The following RUFY1 variants were observed in gnomAD, a reference collection of about 807,000 sequenced individuals.
The protein encoded by RUFY1 is RUN and FYVE domain-containing protein 1.
RUFY1 carries 54 observed loss-of-function variants against 94.6 expected under a neutral mutation model. The ratio of observed to expected loss-of-function variants is 0.57; its 90% CI spans 0.46 to 0.72. The LOEUF is 0.72. Ranked by LOEUF, RUFY1 falls within the 30% of genes least tolerant of loss-of-function variation. The pLI is 0.00. For missense variants in RUFY1, 883 were observed against 883.9 expected, an observed-to-expected ratio of 1.00 and a Z score of 0.01; for synonymous variants, 396 against 347.3, an observed-to-expected ratio of 1.14 and a Z score of -1.56.
chr5:179,571,028 A>G (rs1763189627), intron 5 of RUFY1, among the ~76,000 whole-genome samples: 1 of 152,208 alleles, frequency 6.6e-6, no homozygotes, highest in Admixed American at 6.5e-5. Context: ...TTATGAAACC[A>G]AACTATGATT....
intron 2 of RUFY1, among the ~76,000 whole-genome samples, chr5:179,560,843 A>G (rs1405742283): frequency 6.6e-6 from 1 of 152,228 alleles, no homozygotes; most frequent in Non-Finnish European, 1.5e-5. Context: ...AAAATGTTTT[A>G]AAATTAGTGT....
At chr5:179,560,546 G>C (rs368007555) in intron 2 of RUFY1, among the ~76,000 whole-genome samples, 80 of 144,882 alleles carry the variant, frequency 5.5e-4, no homozygotes, top group East Asian at 1.8e-3. Flanking sequence ...GGTGAAACCC[G>C]GTCTCTACTA....
intron 6 of RUFY1, among the ~76,000 whole-genome samples, chr5:179,577,396 T>TG (rs1242662470): frequency 6.6e-6 from 1 of 151,506 alleles, no homozygotes; most frequent in Admixed American, 6.6e-5. Context: ...CTCGAACTCC[T>TG]GACCGTGATC....
chr5:179,568,034 C>T (rs548773194), intron 4 of RUFY1, among the ~76,000 whole-genome samples: 1 of 152,186 alleles, frequency 6.6e-6, no homozygotes, highest in African/African-American at 2.4e-5. Flanking sequence ...CACTTGAGGT[C>T]AGAAGTTCAA....
At position 179,598,699 on chromosome 5, in the gene RUFY1, C is replaced by T. The variant is rs780703591; in HGVS notation, c.1639C>T (p.Leu547=). Residue 547 remains leucine, a synonymous_variant, in exon 14 of 18, where the codon CTG becomes TTG. Coordinates refer to ENST00000319449, the MANE Select transcript of RUFY1 (RefSeq NM_025158.5). ...LSQLHEQCSS[L]EKELKSEKEQ... The stretch of plus-strand genomic sequence containing the variant: ...TTCATTTTGGGAAAACAGCTCAAGC[C>T]TGGAGAAAGAATTGAAATCAGAAAA... 2.5e-6 allele frequency: 4 copies of T among 1,614,082 alleles called. No homozygotes were observed. Among genetic ancestry groups the T allele is most frequent in the Admixed American group, 1.7e-5 (1 of 59,998 alleles).
chr5:179,553,508 G>A lies in RUFY1; in HGVS notation c.310+2629G>A, dbSNP rs142638684. Among the ~76,000 whole-genome samples the A allele has an allele frequency of 2.9e-3, 444 of 152,310 alleles. 1 individual carries two copies. The highest frequency in any genetic ancestry group is 0.01 in the African/African-American group (422 of 41,556). ...ATATGGATTTAAAAAACTAGGCCGGGCATGGTGGCTCACACCTGTAATCCC... is the reference window on the plus strand; with the variant it reads ...ATATGGATTTAAAAAACTAGGCCGGACATGGTGGCTCACACCTGTAATCCC... On this transcript the variant is annotated intron_variant, in intron 1 of 17. Coordinates refer to ENST00000319449, the MANE Select transcript of RUFY1 (RefSeq NM_025158.5).
At chr5:179,601,502 T>A (rs1766385671) in intron 14 of RUFY1, among the ~76,000 whole-genome samples, 1 of 151,846 alleles carries the variant, frequency 6.6e-6, no homozygotes, top group Non-Finnish European at 1.5e-5. Context: ...CTGATCTGCT[T>A]GTTGCTCTGG....
chr5:179,587,758 T>G (rs1478684552), intron 8 of RUFY1, among the ~76,000 whole-genome samples: 1 of 151,172 alleles, frequency 6.6e-6, no homozygotes, highest in African/African-American at 2.4e-5. Flanking sequence ...CAGGCAGGTG[T>G]GGTGGCTCAT....
chr5:179,578,588 T>C (rs1034836604), intron 6 of RUFY1, among the ~76,000 whole-genome samples: 1 of 152,076 alleles, frequency 6.6e-6, no homozygotes, highest in Non-Finnish European at 1.5e-5. Context: ...TTATAATCAG[T>C]TACCCAAGGG....
chr5:179,559,156 A>AG (rs1762258923), intron 1 of RUFY1, among the ~76,000 whole-genome samples: 1 of 152,230 alleles, frequency 6.6e-6, no homozygotes, highest in Admixed American at 6.5e-5. Context: ...CTTTCCTGCC[A>AG]GGACTCTTAC....
rs1761767201 is a variant in RUFY1 at position 179,550,607 on chromosome 5, G to A, written c.38G>A (p.Gly13Glu). Residue 13 changes from glycine to glutamate, a missense_variant, in exon 1 of 18, where the codon GGG becomes GAG. Coordinates refer to ENST00000319449, the MANE Select transcript of RUFY1 (RefSeq NM_025158.5). ...GAAGGCGGCTGCGCTGCTGGGCGGG[G>A]GCGGGAGCTGGAGCCGGAGCTGGAG... is the stretch of plus-strand genomic sequence containing the variant. ...DREGGCAAGRGRELEPELEPG... is the reference protein window; with the variant it reads ...DREGGCAAGRERELEPELEPG... The A allele has an allele frequency of 3.0e-6, 4 of 1,313,728 alleles. No individual in the cohort carries two copies. Among genetic ancestry groups the A allele is most frequent in the Admixed American group, 3.5e-5 (1 of 28,182 alleles). The allele number at this position is 1,313,728 out of a possible 1,614,324, so 81.4% of individuals were successfully genotyped here.
chr5:179,564,989 T>G (rs1341888954), intron 3 of RUFY1, among the ~76,000 whole-genome samples: 1 of 139,362 alleles, frequency 7.2e-6, no homozygotes, highest in African/African-American at 2.5e-5. Flanking sequence ...TATGTTAAAT[T>G]TTTTTGTAAA....
At chr5:179,574,759 A>G (rs1438013800) in intron 5 of RUFY1, among the ~76,000 whole-genome samples, 1 of 152,198 alleles carries the variant, frequency 6.6e-6, no homozygotes, top group Admixed American at 6.5e-5. Context: ...TATTGATCAC[A>G]CTTAGTAGAA....
intron 7 of RUFY1, among the ~76,000 whole-genome samples, 181 bp downstream of exon 7, chr5:179,581,193 T>C (rs1337275158): frequency 6.6e-6 from 1 of 152,210 alleles, no homozygotes; most frequent in African/African-American, 2.4e-5. Context: ...CTTGATAAAC[T>C]CTTGGGAAAT....
chr5:179,602,211 G>A (rs1486315291), intron 15 of RUFY1: 1 of 539,520 alleles, frequency 1.9e-6, no homozygotes, highest in Non-Finnish European at 3.3e-6. Flanking sequence ...AATTCAGGAA[G>A]CACGTTCATT....
chr5:179,586,675 C>T (rs1332086436), intron 8 of RUFY1, among the ~76,000 whole-genome samples: 1 of 152,120 alleles, frequency 6.6e-6, no homozygotes, highest in Non-Finnish European at 1.5e-5. Context: ...CCTGAAAGGC[C>T]TTCAGGAAAG....
Position 179,609,641 on chromosome 5 carries a change from A to G in RUFY1, c.*122A>G. ...AAAGAATCAAATTTCTTGCCCGGTCACTGGCACTCCAGAAGACAGCGTGCC... is the reference window on the plus strand; with the variant it reads ...AAAGAATCAAATTTCTTGCCCGGTCGCTGGCACTCCAGAAGACAGCGTGCC... On this transcript the variant is annotated 3_prime_UTR_variant, in exon 18 of 18. Coordinates refer to ENST00000319449, the MANE Select transcript of RUFY1 (RefSeq NM_025158.5). The G allele has an allele frequency of 9.8e-7, 1 of 1,019,526 alleles. No homozygotes were observed. The highest frequency in any genetic ancestry group is 1.4e-6 in the Non-Finnish European group (1 of 726,998). 63.2% of individuals were successfully genotyped at this position (1,019,526 alleles called of 1,614,324 possible). A position where few individuals can be genotyped will look rare whatever the true frequency, so the allele number is the denominator to read the frequency against.
chr5:179,599,109 G>A lies in RUFY1; in HGVS notation c.1761+288G>A, dbSNP rs113083354. On this transcript the variant is annotated intron_variant, in intron 14 of 17. Coordinates refer to ENST00000319449, the MANE Select transcript of RUFY1 (RefSeq NM_025158.5). Reference sequence around the variant, plus strand: ...CTGGGGAGGGAGCGACCGGTGAGCAGAGGCTCCAGTGAGTTATGCCCTGCA... The same window carrying A: ...CTGGGGAGGGAGCGACCGGTGAGCAAAGGCTCCAGTGAGTTATGCCCTGCA... Among the ~76,000 whole-genome samples, 286 of 152,364 alleles carry A rather than the reference G, an allele frequency of 1.9e-3. 1 individual carries two copies. The highest frequency in any genetic ancestry group is 6.6e-3 in the African/African-American group (276 of 41,586).
intron 7 of RUFY1, among the ~76,000 whole-genome samples, chr5:179,582,135 A>C (rs150669105): frequency 6.6e-6 from 1 of 151,954 alleles, no homozygotes. Context: ...TTCATCCCAT[A>C]ATCTACTGAT....
Sources: gnomAD v4.1 joint callset for allele counts (sites outside exome capture counted in the v4.1 genomes callset) on GRCh38, gnomAD v4.1.1 for gene constraint, MANE v1.5 for transcripts, NCBI Gene and HGNC (gene_info 2026-07-23, HGNC 2026-07-21) for gene names.